MYH10: variants seen among roughly 807,000 people sequenced by gnomAD.
MYH10 encodes the protein myosin-10.
Under a neutral mutation model 257.8 loss-of-function variants are expected in MYH10, and 55 were observed. That is an observed-to-expected ratio of 0.21 (90% CI 0.17 to 0.27). The LOEUF is 0.27. Ranked by LOEUF, MYH10 falls within the 10% of genes least tolerant of loss-of-function variation. The probability of loss-of-function intolerance (pLI) is 1.00; values close to 1 mark genes in which losing one functional copy is unlikely to be tolerated. For synonymous variants in MYH10, 854 were observed against 921.7 expected, an observed-to-expected ratio of 0.93 and a Z score of 1.33; for missense variants, 1,631 against 2,500.6, an observed-to-expected ratio of 0.65 and a Z score of 7.42.
At chr17:8,580,570 G>A (rs1452351982) in intron 4 of MYH10, among the ~76,000 whole-genome samples, 1 of 152,124 alleles carries the variant, frequency 6.6e-6, no homozygotes, top group Non-Finnish European at 1.5e-5. Context: ...GTCAATGAAT[G>A]AATGTAGGTC....
At chr17:8,577,589 T>C (rs2083544528) in intron 4 of MYH10, among the ~76,000 whole-genome samples, 1 of 152,242 alleles carries the variant, frequency 6.6e-6, no homozygotes, top group South Asian at 2.1e-4. Flanking sequence ...TGGAGTGCAG[T>C]GGCGCGATCT....
chr17:8,557,561 C>T (rs1238966062), intron 7 of MYH10, among the ~76,000 whole-genome samples: 7 of 152,164 alleles, frequency 4.6e-5, no homozygotes, highest in African/African-American at 9.7e-5. Context: ...CACGGCTTTG[C>T]ACTAAGAAAT....
chr17:8,517,133 T>C (rs1310011652), intron 21 of MYH10, among the ~76,000 whole-genome samples: 4 of 152,150 alleles, frequency 2.6e-5, no homozygotes, highest in African/African-American at 4.8e-5. Context: ...AGAGCGAGAC[T>C]CTGTCTCAAA....
intron 38 of MYH10, 88 bp from the exon 39 acceptor site, chr17:8,480,613 C>A: frequency 1.9e-6 from 3 of 1,546,284 alleles, no homozygotes; most frequent in South Asian, 1.1e-5. Flanking sequence ...CACCCTGTTG[C>A]TGGAAACCTG....
chr17:8,525,134 C>G (rs551481431), intron 17 of MYH10, among the ~76,000 whole-genome samples: 1 of 152,364 alleles, frequency 6.6e-6, no homozygotes, highest in East Asian at 1.9e-4. Flanking sequence ...TTTCTCTCTG[C>G]CTGGAATGCC....
chr17:8,493,469 CACTT>C (rs1262979424), intron 32 of MYH10, among the ~76,000 whole-genome samples: 1 of 152,018 alleles, frequency 6.6e-6, no homozygotes, highest in Non-Finnish European at 1.5e-5. Flanking sequence ...CTTAGACTGT[CACTT>C]AATTTCTTAG....
chr17:8,494,353 G>C (rs927886143), intron 31 of MYH10, among the ~76,000 whole-genome samples: 1 of 152,192 alleles, frequency 6.6e-6, no homozygotes, highest in Non-Finnish European at 1.5e-5. Context: ...GCACAAACAT[G>C]TTTTTCCTGT....
chr17:8,515,492 C>G (rs918058575), intron 21 of MYH10, among the ~76,000 whole-genome samples: 3 of 148,380 alleles, frequency 2.0e-5, no homozygotes, highest in Non-Finnish European at 4.5e-5. Context: ...CTTACAAAAC[C>G]TTCTAACTTA....
At chr17:8,520,016 C>T (rs1405480303) in intron 19 of MYH10, among the ~76,000 whole-genome samples, 1 of 152,070 alleles carries the variant, frequency 6.6e-6, no homozygotes, top group Non-Finnish European at 1.5e-5. Context: ...TGTGTGTGCA[C>T]ATGTATACAC....
rs370756070 is a variant in MYH10, at chr17:8,492,726, G to A, written c.4458+50C>T. The A allele has an allele frequency of 2.0e-4, 313 of 1,564,912 alleles. 1 individual carries two copies. Among genetic ancestry groups the A allele is most frequent in the Admixed American group, 5.3e-4 (27 of 51,000 alleles). ...TAAATAAGATTATTTTAAACCAAAC[G>A]AACAAAAGCAAGAGCTCTGCCAGGA... On this transcript the variant is annotated intron_variant, in intron 33 of 42. Transcript: ENST00000360416.
At chr17:8,526,876 T>C (rs2081864527) in intron 17 of MYH10, among the ~76,000 whole-genome samples, 1 of 152,136 alleles carries the variant, frequency 6.6e-6, no homozygotes. Flanking sequence ...TTAATATAGC[T>C]GGAAACCAAA....
chr17:8,604,493 T>C (rs1315188876), intron 3 of MYH10, among the ~76,000 whole-genome samples: 2 of 152,194 alleles, frequency 1.3e-5, no homozygotes, highest in Admixed American at 6.5e-5. Flanking sequence ...CCTTTCCTAT[T>C]ATTCTTCCTA....
At chr17:8,499,249 G>A in intron 30 of MYH10, 21 bp downstream of exon 30, 1 of 1,609,942 alleles carries the variant, frequency 6.2e-7, no homozygotes, top group Non-Finnish European at 8.5e-7. Context: ...GACGTGTGTA[G>A]AGCGGAGGTT....
chr17:8,609,179 T>A (rs914731055), intron 2 of MYH10, among the ~76,000 whole-genome samples: 1 of 152,220 alleles, frequency 6.6e-6, no homozygotes, highest in South Asian at 2.1e-4. Flanking sequence ...GTATATGCAT[T>A]GTTTCATAGG....
At chr17:8,502,165 A>T (rs1034680465) in intron 28 of MYH10, among the ~76,000 whole-genome samples, 2 of 152,166 alleles carry the variant, frequency 1.3e-5, no homozygotes, top group Admixed American at 6.5e-5. Flanking sequence ...TGGACACATC[A>T]TCCCTCTCTT....
At chr17:8,589,896 A>G (rs1342839721) in intron 3 of MYH10, among the ~76,000 whole-genome samples, 2 of 152,224 alleles carry the variant, frequency 1.3e-5, no homozygotes, top group African/African-American at 2.4e-5. Context: ...CACAGATGAG[A>G]AAATGTTCCT....
intron 28 of MYH10, among the ~76,000 whole-genome samples, 178 bp from the exon 29 acceptor site, chr17:8,501,148 A>G (rs920843424): frequency 6.6e-6 from 1 of 152,156 alleles, no homozygotes; most frequent in Non-Finnish European, 1.5e-5. Flanking sequence ...AAATCCTCCT[A>G]GAGAGCTGAG....
chr17:8,520,729 C>T lies in MYH10; in HGVS notation c.2273+149G>A, dbSNP rs534743888. 8 of 813,546 alleles carry T rather than the reference C, an allele frequency of 9.8e-6. No individual in the cohort carries two copies. In the Admixed American group the frequency reaches 2.3e-4, roughly 23 times the overall value. 50.4% of individuals were successfully genotyped at this position (813,546 alleles called of 1,614,324 possible). A position where few individuals can be genotyped will look rare whatever the true frequency, so the allele number is the denominator to read the frequency against. ...AATAATCAAGGTAGTAAGGATTGTC[C>T]CTTTTCCAGAACCTCACTATATGTT... On this transcript the variant is annotated intron_variant, in intron 19 of 42. Coordinates refer to ENST00000360416, the MANE Select transcript of MYH10 (RefSeq NM_001256012.3).
At chr17:8,525,355 C>G (rs1313228276) in intron 17 of MYH10, among the ~76,000 whole-genome samples, 1 of 152,230 alleles carries the variant, frequency 6.6e-6, no homozygotes, top group Non-Finnish European at 1.5e-5. Context: ...CCCCAGGGAA[C>G]ATTTTTCCAG....
Sources: gnomAD v4.1 joint callset for allele counts (sites outside exome capture counted in the v4.1 genomes callset) on GRCh38, gnomAD v4.1.1 for gene constraint, MANE v1.5 for transcripts, NCBI Gene and HGNC (gene_info 2026-07-23, HGNC 2026-07-21) for gene names.